The following EPHB1 variants were observed in gnomAD, a reference collection of about 807,000 sequenced individuals.
The protein encoded by EPHB1 is EPH receptor B1.
EPHB1 carries 30 observed loss-of-function variants against 94.4 expected under a neutral mutation model. The observed-to-expected ratio is 0.32, with a 90% CI of 0.24 to 0.43. EPHB1 has a LOEUF of 0.43. Among genes scored for constraint, EPHB1 ranks in the 20% least tolerant of loss-of-function variants. The probability of loss-of-function intolerance (pLI) is 1.00; values close to 1 mark genes in which losing one functional copy is unlikely to be tolerated. For missense variants in EPHB1, 1,055 were observed against 1,308.3 expected, an observed-to-expected ratio of 0.81 and a Z score of 2.99; for synonymous variants, 522 against 489.1, an observed-to-expected ratio of 1.07 and a Z score of -0.89.
chr3:134,897,298 G>A (rs1219255583), intron 1 of EPHB1, among the ~76,000 whole-genome samples: 1 of 151,764 alleles, frequency 6.6e-6, no homozygotes, highest in African/African-American at 2.4e-5. Flanking sequence ...TCTGGACTCA[G>A]ACCTGAGTCT....
intron 3 of EPHB1, among the ~76,000 whole-genome samples, chr3:135,096,750 G>A (rs1938784106): frequency 6.6e-6 from 1 of 152,158 alleles, no homozygotes; most frequent in African/African-American, 2.4e-5. Flanking sequence ...TCCCATTTAT[G>A]AGGGCTCCAC....
At position 135,257,263 on chromosome 3, in the gene EPHB1, A is replaced by G. The variant is rs183006314; in HGVS notation, c.2847-1749A>G. On this transcript the variant is annotated intron_variant, in intron 15 of 15. Transcript: ENST00000398015. The stretch of plus-strand genomic sequence containing the variant: ...AGCTTTGTTCCGTTGCTGGTGAGGA[A>G]CTGCGTTCCTTTGGAGGAGGAGAGG... Among the ~76,000 whole-genome samples the G allele has an allele frequency of 4.5e-3, 688 of 152,304 alleles. 6 individuals carry two copies. The highest frequency in any genetic ancestry group is 0.016 in the African/African-American group (650 of 41,544).
chr3:134,911,652 C>T (rs934922557), intron 1 of EPHB1, among the ~76,000 whole-genome samples: 1 of 152,130 alleles, frequency 6.6e-6, no homozygotes, highest in Admixed American at 6.5e-5. Flanking sequence ...GGGCAGCAGC[C>T]TCTGCATGGC....
chr3:135,180,217 A>G (rs2107704999), intron 10 of EPHB1, among the ~76,000 whole-genome samples: 1 of 152,344 alleles, frequency 6.6e-6, no homozygotes, highest in Non-Finnish European at 1.5e-5. Flanking sequence ...GTTGTTGCAG[A>G]AAAGTCAGCT....
At chr3:135,054,238 C>T (rs1033069856) in intron 3 of EPHB1, among the ~76,000 whole-genome samples, 21 of 152,080 alleles carry the variant, frequency 1.4e-4, no homozygotes, top group African/African-American at 5.1e-4. Context: ...AGTTTACCTC[C>T]TCCAAGGAAG....
At chr3:135,156,718 A>G (rs2107696162) in intron 6 of EPHB1, among the ~76,000 whole-genome samples, 1 of 152,370 alleles carries the variant, frequency 6.6e-6, no homozygotes, top group African/African-American at 2.4e-5. Context: ...TGAATTGGAA[A>G]TAATTTAAAC....
In EPHB1 at chr3:135,015,590, C is replaced by T. The variant is rs998352648; in HGVS notation, c.805+63538C>T. ...TGGGCATCTAGGTCTCTGGGAGCCT[C>T]AGGATCCCTGGCTGCTTACCAATGA... On this transcript the variant is annotated intron_variant, in intron 3 of 15. Transcript: ENST00000398015. Among the ~76,000 whole-genome samples, 7 of 152,340 alleles carry T rather than the reference C, an allele frequency of 4.6e-5. No individual in the cohort carries two copies. In the South Asian group the frequency reaches 8.3e-4, roughly 18 times the overall value.
intron 1 of EPHB1, among the ~76,000 whole-genome samples, chr3:134,864,425 C>A (rs1048027637): frequency 2.0e-5 from 3 of 152,194 alleles, no homozygotes; most frequent in Non-Finnish European, 2.9e-5. Context: ...CCTTTGCAAG[C>A]CCCTTCTGCT....
chr3:135,052,751 C>T (rs1427403792), intron 3 of EPHB1, among the ~76,000 whole-genome samples: 13 of 144,032 alleles, frequency 9.0e-5, no homozygotes, highest in Non-Finnish European at 1.1e-4. Flanking sequence ...GTCCCAGCTA[C>T]TCGGGAGGCT....
chr3:134,973,288 A>G (rs546370640), intron 3 of EPHB1, among the ~76,000 whole-genome samples: 1 of 152,212 alleles, frequency 6.6e-6, no homozygotes, highest in African/African-American at 2.4e-5. Context: ...CCTGATAGTG[A>G]AGGGCAGGGT....
chr3:135,037,305 G>A (rs1280837493), intron 3 of EPHB1, among the ~76,000 whole-genome samples: 1 of 152,228 alleles, frequency 6.6e-6, no homozygotes, highest in Non-Finnish European at 1.5e-5. Context: ...CTCTGGGGAG[G>A]ATTTGATAGA....
intron 1 of EPHB1, among the ~76,000 whole-genome samples, chr3:134,925,417 G>A (rs1160716367): frequency 6.6e-6 from 1 of 152,226 alleles, no homozygotes; most frequent in Non-Finnish European, 1.5e-5. Flanking sequence ...AGAAAGGCTT[G>A]AGGAAGGAAT....
intron 12 of EPHB1, among the ~76,000 whole-genome samples, chr3:135,205,405 A>T (rs758318750): frequency 2.8e-4 from 43 of 152,024 alleles, no homozygotes; most frequent in Non-Finnish European, 5.6e-4. Flanking sequence ...ATTCCTTTAT[A>T]CTGTTTATGA....
At chr3:135,091,476 C>T (rs145398667) in intron 3 of EPHB1, among the ~76,000 whole-genome samples, 5 of 152,150 alleles carry the variant, frequency 3.3e-5, no homozygotes, top group African/African-American at 9.6e-5. Flanking sequence ...GAATGAGTGC[C>T]GGGATTGATT....
intron 5 of EPHB1, among the ~76,000 whole-genome samples, chr3:135,149,534 C>T (rs1432189244): frequency 6.6e-6 from 1 of 152,084 alleles, no homozygotes; most frequent in Admixed American, 6.5e-5. Context: ...TCTGTTTTGT[C>T]CGAAAGTTTC....
chr3:135,173,300 C>T (rs1941868484), intron 9 of EPHB1, among the ~76,000 whole-genome samples: 3 of 152,132 alleles, frequency 2.0e-5, no homozygotes, highest in Admixed American at 6.5e-5. Flanking sequence ...TCCCAAAGTG[C>T]TGGGATTACA....
chr3:135,038,737 G>C (rs538759221), intron 3 of EPHB1, among the ~76,000 whole-genome samples: 2 of 152,092 alleles, frequency 1.3e-5, no homozygotes, highest in South Asian at 4.2e-4. Context: ...GCAGACCTTC[G>C]CGGTGAGTGT....
rs542276597 is a variant in EPHB1, at chr3:134,929,761, G to A, written c.123+3881G>A. 3.9e-5 allele frequency among the ~76,000 whole-genome samples: 6 copies of A among 152,334 alleles called. No individual in the cohort carries two copies. In the East Asian group the frequency reaches 9.6e-4, roughly 24 times the overall value. On this transcript the variant is annotated intron_variant, in intron 2 of 15. Coordinates refer to ENST00000398015, the MANE Select transcript of EPHB1 (RefSeq NM_004441.5). ...TAAGACACACAGAGGTCTTCCGGGT[G>A]AAGAGGCTCTGAGTGGTTCATGGTG...
intron 3 of EPHB1, among the ~76,000 whole-genome samples, chr3:135,007,583 C>T (rs554479312): frequency 7.0e-4 from 107 of 152,288 alleles, no homozygotes; most frequent in African/African-American, 2.5e-3. Flanking sequence ...TTCTGGGATG[C>T]AGACTCACCC....
Sources: gnomAD v4.1 joint callset for allele counts (sites outside exome capture counted in the v4.1 genomes callset) on GRCh38, gnomAD v4.1.1 for gene constraint, MANE v1.5 for transcripts, NCBI Gene and HGNC (gene_info 2026-07-23, HGNC 2026-07-21) for gene names.